PCDHA2: variants seen among roughly 807,000 people sequenced by gnomAD.
The protein encoded by PCDHA2 is protocadherin alpha 2.
In PCDHA2, 58 loss-of-function variants were observed where a neutral mutation model predicts 66.0. The observed-to-expected ratio is 0.88, with a 90% CI of 0.71 to 1.09. The LOEUF is 1.09. Among genes scored for constraint, PCDHA2 ranks in the 50% least tolerant of loss-of-function variants. The pLI, the probability that PCDHA2 is intolerant of heterozygous loss-of-function variation, is 0.00. For synonymous variants in PCDHA2, 634 were observed against 554.0 expected, an observed-to-expected ratio of 1.14 and a Z score of -2.03; for missense variants, 1,267 against 1,242.3, an observed-to-expected ratio of 1.02 and a Z score of -0.30.
intron 1 of PCDHA2, among the ~76,000 whole-genome samples, chr5:140,925,729 A>AAATATTTACAGAAAG (rs1334705925): frequency 8.6e-5 from 13 of 151,770 alleles, no homozygotes; most frequent in African/African-American, 2.9e-4. Context: ...GGTGTTTTCT[A>AAATATTTACAGAAAG]AATATTTACA....
chr5:140,849,872 G>C, intron 1 of PCDHA2: 1 of 1,598,650 alleles, frequency 6.3e-7, no homozygotes, highest in Non-Finnish European at 8.6e-7. Flanking sequence ...CGCAGTCCGA[G>C]TACACGGTGT....
intron 1 of PCDHA2, chr5:140,856,435 G>C (rs2043994865): frequency 6.3e-7 from 1 of 1,598,204 alleles, no homozygotes; most frequent in Non-Finnish European, 8.6e-7. Flanking sequence ...ACGACAACCC[G>C]CCCAGGTTCT....
chr5:140,870,805 C>T, intron 1 of PCDHA2: 4 of 1,613,712 alleles, frequency 2.5e-6, no homozygotes, highest in Non-Finnish European at 3.4e-6. Flanking sequence ...GCTGGCGACT[C>T]AGGCTGGCAG....
intron 1 of PCDHA2, chr5:140,809,018 C>G: frequency 6.2e-7 from 1 of 1,613,722 alleles, no homozygotes; most frequent in Non-Finnish European, 8.5e-7. Context: ...TTCGTACGAG[C>G]TGCAGCCGGG....
chr5:140,862,131 G>C (rs375206364), intron 1 of PCDHA2: 1 of 162,230 alleles, frequency 6.2e-6, no homozygotes, highest in Non-Finnish European at 1.4e-5. Context: ...TGTAAAGATA[G>C]GTTTTGAGGA....
intron 1 of PCDHA2, among the ~76,000 whole-genome samples, chr5:140,873,515 C>A (rs2054335003): frequency 6.6e-6 from 1 of 152,056 alleles, no homozygotes; most frequent in African/African-American, 2.4e-5. Context: ...ATACTTAATG[C>A]CAAGATTGCA....
intron 1 of PCDHA2, among the ~76,000 whole-genome samples, chr5:140,961,393 G>C (rs1224822152): frequency 6.6e-6 from 1 of 152,104 alleles, no homozygotes; most frequent in African/African-American, 2.4e-5. Context: ...TATTCCATTA[G>C]TAAACACTTT....
chr5:140,803,410 C>G lies in PCDHA2; in HGVS notation c.2388+6058C>G, dbSNP rs369771411. 2 of 1,614,236 alleles carry G rather than the reference C, an allele frequency of 1.2e-6. No individual in the cohort carries two copies. Among genetic ancestry groups the G allele is most frequent in the African/African-American group, 2.7e-5 (2 of 75,062 alleles). On this transcript the variant is annotated intron_variant, in intron 1 of 3. Transcript: ENST00000526136. The stretch of plus-strand genomic sequence containing the variant: ...GGCGACTGTGGGCCGGGCAAGCCCA[C>G]GCTGGTGTGCTCCAGCGCGGTGGGG...
At chr5:140,863,829 T>A (rs2048195193) in intron 1 of PCDHA2, 1 of 199,822 alleles carries the variant, frequency 5.0e-6, no homozygotes, top group East Asian at 1.2e-4. Flanking sequence ...TGAAACTCCA[T>A]CTCTACTAAA....
intron 1 of PCDHA2, chr5:140,829,512 T>C: frequency 6.2e-7 from 1 of 1,613,516 alleles, no homozygotes. Flanking sequence ...GGCTGCCACA[T>C]CTTCACGGTG....
intron 1 of PCDHA2, among the ~76,000 whole-genome samples, chr5:140,924,669 C>T (rs2081944464): frequency 6.6e-6 from 1 of 151,998 alleles, no homozygotes; most frequent in African/African-American, 2.4e-5. Flanking sequence ...CCGAGGCAGG[C>T]CAATCACTTG....
At chr5:140,929,782 A>G (rs574140858) in intron 1 of PCDHA2, 12 of 168,464 alleles carry the variant, frequency 7.1e-5, no homozygotes, top group Non-Finnish European at 1.6e-4. Context: ...AGATGTAAAA[A>G]TAAATTACAA....
chr5:140,934,429 T>C (rs1480259267), intron 1 of PCDHA2, among the ~76,000 whole-genome samples: 1 of 152,194 alleles, frequency 6.6e-6, no homozygotes, highest in African/African-American at 2.4e-5. Context: ...TCAATGCAAG[T>C]GTAAATATAG....
At chr5:140,998,977 ATAG>A (rs2097842205) in intron 3 of PCDHA2, among the ~76,000 whole-genome samples, 1 of 152,242 alleles carries the variant, frequency 6.6e-6, no homozygotes, top group African/African-American at 2.4e-5. Flanking sequence ...ATCCTAGAAA[ATAG>A]TAGAAAGCAG....
chr5:140,966,812 C>T, intron 1 of PCDHA2: 1 of 1,550,798 alleles, frequency 6.4e-7, no homozygotes, highest in East Asian at 2.4e-5. Flanking sequence ...GCATCCACGG[C>T]TCCGGCGGCC....
chr5:140,952,215 C>T (rs2094705548), intron 1 of PCDHA2, among the ~76,000 whole-genome samples: 1 of 152,034 alleles, frequency 6.6e-6, no homozygotes, highest in African/African-American at 2.4e-5. Context: ...GCAGCTTTTC[C>T]AGGCACAGTG....
chr5:140,803,353 C>T (rs1481348508), intron 1 of PCDHA2: 3 of 1,614,080 alleles, frequency 1.9e-6, no homozygotes, highest in Admixed American at 1.7e-5. Context: ...CTGCTATATA[C>T]TGCTCTGCGG....
intron 1 of PCDHA2, among the ~76,000 whole-genome samples, chr5:140,826,214 C>T (rs186119066): frequency 6.6e-6 from 1 of 152,250 alleles, no homozygotes; most frequent in African/African-American, 2.4e-5. Flanking sequence ...TTTAAAAAAT[C>T]AAGTTTTGTG....
At position 140,795,420 on chromosome 5, in the gene PCDHA2, T is replaced by C; in HGVS notation, c.456T>C (p.Phe152=). Residue 152 remains phenylalanine, a synonymous_variant, in exon 1 of 4, where the codon TTT becomes TTC. Transcript: ENST00000526136. ...AATCAAGGCTGCTTGATTCTCGGTTTCCTCTAGAGGGAGCATCTGATGCAG... is the reference window on the plus strand; with the variant it reads ...AATCAAGGCTGCTTGATTCTCGGTTCCCTCTAGAGGGAGCATCTGATGCAG... ...FPESRLLDSR[F]PLEGASDADI... 1 of 1,614,188 alleles carries C rather than the reference T, an allele frequency of 6.2e-7. No homozygotes were observed. The highest frequency in any genetic ancestry group is 8.5e-7 in the Non-Finnish European group (1 of 1,180,036).
Sources: gnomAD v4.1 joint callset for allele counts (sites outside exome capture counted in the v4.1 genomes callset) on GRCh38, gnomAD v4.1.1 for gene constraint, MANE v1.5 for transcripts, NCBI Gene and HGNC (gene_info 2026-07-23, HGNC 2026-07-21) for gene names.